Variants in COL12A1 observed in about 807,000 individuals in gnomAD.
COL12A1 encodes the protein collagen alpha-1(XII) chain.
In COL12A1, 114 loss-of-function variants were observed where a neutral mutation model predicts 349.7. That is an observed-to-expected ratio of 0.33 (90% confidence interval 0.28 to 0.38). The LOEUF (loss-of-function observed/expected upper bound fraction) is 0.38. COL12A1 is among the 10% of genes least tolerant of loss of function. COL12A1 has a pLI of 1.00. For missense variants in COL12A1, 3,284 were observed against 3,756.9 expected (o/e 0.87, Z 3.29); for synonymous variants, 1,369 against 1,329.0 (o/e 1.03, Z -0.66).
chr6:75,122,816 G>C (rs768604282), intron 43 of COL12A1, among the ~76,000 whole-genome samples: 8 of 152,216 alleles, frequency 5.3e-5, no homozygotes, highest in Non-Finnish European at 1.0e-4. Context: ...AATGCTGAGA[G>C]ATCAACCTTA....
chr6:75,199,512 T>C (rs1295429526), intron 2 of COL12A1, among the ~76,000 whole-genome samples: 1 of 152,240 alleles, frequency 6.6e-6, no homozygotes, highest in Non-Finnish European at 1.5e-5. Flanking sequence ...ATTAACACTC[T>C]GTTTTTCAGA....
intron 11 of COL12A1, among the ~76,000 whole-genome samples, chr6:75,179,450 C>T (rs573503325): frequency 2.0e-4 from 31 of 152,050 alleles, no homozygotes; most frequent in Non-Finnish European, 4.0e-4. Flanking sequence ...ACAGCCTTCT[C>T]CCTTATATGA....
intron 51 of COL12A1, among the ~76,000 whole-genome samples, chr6:75,110,227 T>C (rs1187480515): frequency 3.3e-5 from 5 of 151,924 alleles, no homozygotes; most frequent in Non-Finnish European, 5.9e-5. Flanking sequence ...GAACCAAAAC[T>C]TTTTGGCTCA....
chr6:75,093,079 A>G (rs1767850643), intron 60 of COL12A1, among the ~76,000 whole-genome samples: 1 of 152,172 alleles, frequency 6.6e-6, no homozygotes. Flanking sequence ...GACTGTATCC[A>G]AAATAGCTGC....
chr6:75,108,907 T>G (rs751133424), intron 52 of COL12A1, 111 bp downstream of exon 52: 2 of 1,212,296 alleles, frequency 1.6e-6, no homozygotes, highest in Non-Finnish European at 1.2e-6. Flanking sequence ...ATTTGACAAC[T>G]TAAAACTCAC....
chr6:75,189,556 C>A lies in COL12A1; in HGVS notation c.654G>T (p.Met218Ile). Reference sequence around the variant, plus strand: ...AAAAAAATCTGTAGAACATACCTGTCATTGTGTTGCCACCTTTATATGGAA... The same window carrying A: ...AAAAAAATCTGTAGAACATACCTGTAATTGTGTTGCCACCTTTATATGGAA... ...KKIPYKGGNT[M>I]TGDAIDYLVK... The change falls in exon 6 of 66, where the codon ATG becomes ATT. Residue 218 changes from methionine to isoleucine, a missense_variant. By Grantham distance (10) the Met-to-Ile change is conservative. Transcript: ENST00000322507. 6.2e-7 allele frequency: 1 copy of A among 1,611,816 alleles called. No individual in the cohort carries two copies. The highest frequency in any genetic ancestry group is 8.5e-7 in the Non-Finnish European group (1 of 1,178,912).
intron 8 of COL12A1, among the ~76,000 whole-genome samples, chr6:75,185,240 G>A (rs1157703097): frequency 3.3e-5 from 5 of 152,166 alleles, no homozygotes; most frequent in African/African-American, 1.2e-4. Context: ...CAGCCCAAAA[G>A]CTTCTTAAGC....
rs1437064612 is a variant in COL12A1, at chr6:75,115,865, C to T, written c.7616G>A (p.Gly2539Glu). 1.2e-6 allele frequency: 2 copies of T among 1,613,516 alleles called. No homozygotes were observed. The highest frequency in any genetic ancestry group is 1.7e-6 in the Non-Finnish European group (2 of 1,179,706). Reference sequence around the variant, plus strand: ...GAAAGACCCTGACTCCAAAGATACTCCTTGTACAGAAGCAAAATTCTTTTC... The same window carrying T: ...GAAAGACCCTGACTCCAAAGATACTTCTTGTACAGAAGCAAAATTCTTTTC... Reference protein sequence around the residue: ...LTEKNFASVQGVSLESGSFPS... With the variant: ...LTEKNFASVQEVSLESGSFPS... The change falls in exon 49 of 66, where the codon GGA becomes GAA. Residue 2539 changes from glycine to glutamate, a missense_variant. Physicochemically the swap from Gly to Glu is moderately conservative, Grantham distance 98. Around this residue, in one of 2 missense-constraint regions of COL12A1, gnomAD observed 683 missense variants for 932.1 expected, o/e 0.73. Coordinates refer to ENST00000322507, the MANE Select transcript of COL12A1 (RefSeq NM_004370.6).
At chr6:75,119,563 G>T in intron 44 of COL12A1, 90 bp from the exon 45 acceptor site, 1 of 1,463,310 alleles carries the variant, frequency 6.8e-7, no homozygotes, top group Non-Finnish European at 9.2e-7. Flanking sequence ...GAATAAAGCG[G>T]TGGGGGTGTA....
chr6:75,140,673 A>AAAAAAAAAAAAAAAAAAAAC (rs1766848572), intron 27 of COL12A1, among the ~76,000 whole-genome samples: 1 of 151,516 alleles, frequency 6.6e-6, no homozygotes, highest in African/African-American at 2.4e-5. Flanking sequence ...AAAAAAAAAA[A>AAAAAAAAAAAAAAAAAAAAC]AAAAAGCAGG....
intron 23 of COL12A1, among the ~76,000 whole-genome samples, chr6:75,147,216 G>A (rs549305568): frequency 2.0e-5 from 3 of 152,298 alleles, no homozygotes; most frequent in South Asian, 2.1e-4. Flanking sequence ...ATCTCTGTAC[G>A]CTCTTCTTCC....
At chr6:75,179,542 C>CA (rs58457506) in intron 11 of COL12A1, among the ~76,000 whole-genome samples, 17,406 of 111,976 alleles carry the variant, frequency 0.16, 1,272 homozygotes, top group East Asian at 0.26. Flanking sequence ...CTAAACCATG[C>CA]AAAAAAAAAA....
chr6:75,185,326 C>G (rs1207294288), intron 8 of COL12A1, among the ~76,000 whole-genome samples: 1 of 152,146 alleles, frequency 6.6e-6, no homozygotes. Flanking sequence ...TACACAACAA[C>G]AGTCAAGCTG....
At chr6:75,137,225 A>G (rs1766657482) in intron 31 of COL12A1, among the ~76,000 whole-genome samples, 1 of 152,162 alleles carries the variant, frequency 6.6e-6, no homozygotes, top group Non-Finnish European at 1.5e-5. Context: ...GTAATGAAGA[A>G]CAACTATCAT....
chr6:75,187,699 T>C (rs983334931), intron 8 of COL12A1, among the ~76,000 whole-genome samples: 2 of 152,130 alleles, frequency 1.3e-5, no homozygotes, highest in East Asian at 3.9e-4. Context: ...AGAATTTATG[T>C]TTAATCACTT....
intron 2 of COL12A1, 108 bp downstream of exon 2, chr6:75,202,612 G>C: frequency 9.1e-7 from 1 of 1,103,248 alleles, no homozygotes; most frequent in East Asian, 2.6e-5. Context: ...ACCGGAGAAA[G>C]CACGAAGCGC....
chr6:75,096,176 A>G (rs965726353), intron 59 of COL12A1, among the ~76,000 whole-genome samples: 3 of 152,310 alleles, frequency 2.0e-5, no homozygotes, highest in Non-Finnish European at 2.9e-5. Context: ...GTCATGTTCT[A>G]AAGCCTAAAA....
At chr6:75,139,514 C>T (rs1766789489) in intron 27 of COL12A1, among the ~76,000 whole-genome samples, 1 of 152,182 alleles carries the variant, frequency 6.6e-6, no homozygotes, top group South Asian at 2.1e-4. Flanking sequence ...TAAAAACACA[C>T]ATACCACTGC....
chr6:75,124,335 A>G lies in COL12A1; in HGVS notation c.6644T>C (p.Ile2215Thr). The G allele has an allele frequency of 1.2e-6, 2 of 1,613,244 alleles. No individual in the cohort carries two copies. The highest frequency in any genetic ancestry group is 2.2e-5 in the South Asian group (2 of 90,960). ...TTTGACACAGAATGTATCCCACCCA[A>G]TCTGGTAAGTTTTCAGATCTGTTAC... is the stretch of plus-strand genomic sequence containing the variant. ...LNVTDLKTYQ[I>T]GWDTFCVKWS... The change falls in exon 41 of 66, where the codon ATT (isoleucine) becomes ACT (threonine). Residue 2215 changes from isoleucine (I) to threonine (T), a missense_variant. Transcript: ENST00000322507.
Sources: allele counts gnomAD v4.1 joint callset (sites outside exome capture counted in the v4.1 genomes callset), GRCh38; gene constraint gnomAD v4.1.1; regional missense constraint gnomAD v4.1.1; transcripts MANE v1.5; gene names NCBI Gene and HGNC (gene_info 2026-07-23, HGNC 2026-07-21).